Variants in COL22A1 observed in about 807,000 individuals in gnomAD.
COL22A1 encodes the protein collagen type XXII alpha 1 chain, also known as collagen alpha-1(XXII) chain.
COL22A1 carries 221 observed loss-of-function variants against 248.9 expected under a neutral mutation model. The observed-to-expected ratio is 0.89, with a 90% confidence interval of 0.80 to 0.99. The LOEUF (loss-of-function observed/expected upper bound fraction) is 0.99, where lower values mean the gene tolerates loss of function less well. COL22A1 is among the 50% of genes least tolerant of loss of function. The pLI is 0.00. For synonymous variants in COL22A1, 891 were observed against 793.4 expected, an observed-to-expected ratio of 1.12 and a Z score of -2.07; for missense variants, 2,240 against 2,179.0, an observed-to-expected ratio of 1.03 and a Z score of -0.56.
At chr8:138,824,649 A>G (rs954339629) in intron 6 of COL22A1, among the ~76,000 whole-genome samples, 2 of 152,210 alleles carry the variant, frequency 1.3e-5, no homozygotes, top group Non-Finnish European at 2.9e-5. Flanking sequence ...ATGCACATAT[A>G]TATCTGTAGA....
intron 23 of COL22A1, among the ~76,000 whole-genome samples, chr8:138,735,565 A>C (rs932538762): frequency 6.6e-6 from 1 of 152,232 alleles, no homozygotes; most frequent in African/African-American, 2.4e-5. Context: ...ATCGAGCTGC[A>C]TTGATGGTGA....
intron 14 of COL22A1, 129 bp from the exon 15 acceptor site, chr8:138,778,535 T>G (rs1188302370): frequency 1.3e-6 from 1 of 764,040 alleles, no homozygotes; most frequent in Non-Finnish European, 2.1e-6. Context: ...GTGCTGCCCA[T>G]GCTGTTGGCA....
rs556275649 is a variant in COL22A1, at chr8:138,880,513, G to A, written c.92-2197C>T. ...AAACAGAAAAACAATAAAGTTATAC[G>A]AATTTACACACATACTCCCACAAAT... is the stretch of plus-strand genomic sequence containing the variant. On this transcript the variant is annotated intron_variant, in intron 2 of 64. Coordinates refer to ENST00000303045, the MANE Select transcript of COL22A1 (RefSeq NM_152888.3). Among the ~76,000 whole-genome samples the A allele has an allele frequency of 3.3e-5, 5 of 152,216 alleles. No homozygotes were observed. The South Asian group carries it at 8.3e-4, about 25-fold the overall frequency.
chr8:138,670,960 C>CAAA (rs60845059), intron 41 of COL22A1, among the ~76,000 whole-genome samples: 22,994 of 55,254 alleles, frequency 0.42, 9,372 homozygotes, highest in East Asian at 0.59. Context: ...GACCTTGTCT[C>CAAA]AAAAAAAAAA....
At chr8:138,772,243 G>A (rs991949475) in intron 16 of COL22A1, among the ~76,000 whole-genome samples, 9 of 152,226 alleles carry the variant, frequency 5.9e-5, no homozygotes, top group African/African-American at 1.4e-4. Flanking sequence ...GACTGGCCAC[G>A]GGCCATGCTG....
intron 3 of COL22A1, among the ~76,000 whole-genome samples, chr8:138,855,987 T>C (rs1296878587): frequency 6.6e-6 from 1 of 152,162 alleles, no homozygotes; most frequent in East Asian, 1.9e-4. Context: ...AGAGGGAGAC[T>C]TTAAACAAAG....
At chr8:138,626,321 C>A (rs1228844259) in intron 50 of COL22A1, 78 bp from the exon 51 acceptor site, 9 of 1,142,154 alleles carry the variant, frequency 7.9e-6, no homozygotes, top group Non-Finnish European at 1.2e-5. Flanking sequence ...CAAGGAACTG[C>A]ATTCATGGGT....
At chr8:138,862,049 A>AG (rs1434396490) in intron 3 of COL22A1, among the ~76,000 whole-genome samples, 5 of 147,564 alleles carry the variant, frequency 3.4e-5, no homozygotes, top group African/African-American at 5.0e-5. Flanking sequence ...AAAAAAAAAG[A>AG]AAAAAAGAAA....
intron 3 of COL22A1, among the ~76,000 whole-genome samples, chr8:138,874,651 C>T (rs1823575905): frequency 6.6e-6 from 1 of 152,178 alleles, no homozygotes; most frequent in African/African-American, 2.4e-5. Context: ...TGTGGTGTCC[C>T]CAACTTGCCC....
chr8:138,676,523 G>A, intron 41 of COL22A1, 35 bp downstream of exon 41: 1 of 1,459,274 alleles, frequency 6.9e-7, no homozygotes, highest in Admixed American at 2.0e-5. Flanking sequence ...TGTATGTCCT[G>A]AAAGCAAGTA....
Position 138,731,325 on chromosome 8 carries a change from T to C in COL22A1, c.2140-5885A>G, listed in dbSNP as rs192908308. 4.2e-3 allele frequency among the ~76,000 whole-genome samples: 633 copies of C among 152,054 alleles called. 5 individuals carry two copies. The highest frequency in any genetic ancestry group is 0.013 in the African/African-American group (560 of 41,484). The stretch of plus-strand genomic sequence containing the variant: ...TCAAAAAAAATAAATAAAGACACAT[T>C]TCTAGTGTCCTTAGCAGCCAATGGT... On this transcript the variant is annotated intron_variant, in intron 23 of 64. Coordinates refer to ENST00000303045, the MANE Select transcript of COL22A1 (RefSeq NM_152888.3).
chr8:138,742,917 T>G (rs1439155666), intron 22 of COL22A1, among the ~76,000 whole-genome samples: 1 of 151,652 alleles, frequency 6.6e-6, no homozygotes, highest in African/African-American at 2.4e-5. Context: ...GTAGTGATTG[T>G]GATGGTAATG....
intron 16 of COL22A1, among the ~76,000 whole-genome samples, chr8:138,768,135 G>A (rs1413027210): frequency 5.9e-5 from 9 of 152,076 alleles, no homozygotes; most frequent in Non-Finnish European, 4.4e-5. Flanking sequence ...CCGATCCATT[G>A]CCTCTCCCAT....
intron 32 of COL22A1, 79 bp from the exon 33 acceptor site, chr8:138,694,958 G>A (rs1827385951): frequency 1.4e-6 from 2 of 1,390,978 alleles, no homozygotes; most frequent in Non-Finnish European, 2.0e-6. Context: ...CCCAGCTCCG[G>A]ACACACAGGC....
chr8:138,693,606 C>T (rs72729635), intron 35 of COL22A1, 40 bp downstream of exon 35: 83,075 of 1,554,224 alleles, frequency 0.053, 4,931 homozygotes, highest in African/African-American at 0.31. Context: ...GGCCTCCCTC[C>T]GGGGCTCCCC....
At chr8:138,784,256 G>A (rs573411497) in intron 12 of COL22A1, among the ~76,000 whole-genome samples, 2 of 152,298 alleles carry the variant, frequency 1.3e-5, no homozygotes, top group East Asian at 3.9e-4. Context: ...GATACAAAGG[G>A]GCAGACAAGT....
At chr8:138,751,692 A>G (rs1832618076) in intron 21 of COL22A1, among the ~76,000 whole-genome samples, 181 bp from the exon 22 acceptor site, 1 of 152,182 alleles carries the variant, frequency 6.6e-6, no homozygotes, top group Non-Finnish European at 1.5e-5. Context: ...ATGTACATCT[A>G]TCAGATCTGA....
chr8:138,902,735 T>C (rs1320249593), intron 1 of COL22A1, among the ~76,000 whole-genome samples: 32 of 90,354 alleles, frequency 3.5e-4, no homozygotes, highest in South Asian at 2.3e-3. Flanking sequence ...AATATATATA[T>C]ATATACACAC....
intron 47 of COL22A1, among the ~76,000 whole-genome samples, chr8:138,646,256 T>C (rs1822195206): frequency 6.6e-6 from 1 of 152,186 alleles, no homozygotes; most frequent in African/African-American, 2.4e-5. Context: ...GCCACATCCT[T>C]TTTATGTATC....
Sources: allele counts gnomAD v4.1 joint callset (sites outside exome capture counted in the v4.1 genomes callset), GRCh38; gene constraint gnomAD v4.1.1; transcripts MANE v1.5; gene names NCBI Gene and HGNC (gene_info 2026-07-23, HGNC 2026-07-21).